Variants in SPON1 observed in about 807,000 individuals in gnomAD.
SPON1 encodes spondin-1.
SPON1 carries 52 observed loss-of-function variants against 111.7 expected under a neutral mutation model. The ratio of observed to expected loss-of-function variants is 0.47; its 90% CI spans 0.37 to 0.59. The LOEUF (loss-of-function observed/expected upper bound fraction) is 0.59, where lower values mean the gene tolerates loss of function less well. SPON1 is among the 20% of genes least tolerant of loss of function. The pLI, the probability that SPON1 is intolerant of heterozygous loss-of-function variation, is 0.00. For missense variants in SPON1, 957 were observed against 1,068.5 expected, an observed-to-expected ratio of 0.90 and a Z score of 1.46; for synonymous variants, 410 against 395.8, an observed-to-expected ratio of 1.04 and a Z score of -0.43.
intron 15 of SPON1, among the ~76,000 whole-genome samples, chr11:14,264,292 C>T (rs1554942213): frequency 6.6e-6 from 1 of 152,116 alleles, no homozygotes; most frequent in African/African-American, 2.4e-5. Flanking sequence ...TGTATCAGAC[C>T]TGTGTTGACT....
At chr11:14,047,389 A>G (rs1406156843) in intron 3 of SPON1, among the ~76,000 whole-genome samples, 6 of 152,174 alleles carry the variant, frequency 3.9e-5, no homozygotes, top group Admixed American at 6.5e-5. Flanking sequence ...AAACCAACCA[A>G]CCAGTATTCC....
At chr11:14,132,831 G>A (rs781892479) in intron 5 of SPON1, among the ~76,000 whole-genome samples, 4 of 152,164 alleles carry the variant, frequency 2.6e-5, no homozygotes, top group Admixed American at 6.5e-5. Context: ...ACCATGAAAG[G>A]AAGAAACTAT....
At chr11:14,207,298 A>G (rs1303619918) in intron 6 of SPON1, among the ~76,000 whole-genome samples, 1 of 152,208 alleles carries the variant, frequency 6.6e-6, no homozygotes, top group Non-Finnish European at 1.5e-5. Context: ...CATTTAGGAC[A>G]TAGGCACAGT....
At chr11:14,089,978 A>G (rs1338813761) in intron 5 of SPON1, among the ~76,000 whole-genome samples, 1 of 152,082 alleles carries the variant, frequency 6.6e-6, no homozygotes, top group Non-Finnish European at 1.5e-5. Context: ...AGCCTCAGAA[A>G]TGGTGGATGC....
At chr11:14,030,328 T>G (rs1186998257) in intron 2 of SPON1, among the ~76,000 whole-genome samples, 1 of 152,234 alleles carries the variant, frequency 6.6e-6, no homozygotes, top group East Asian at 1.9e-4. Context: ...GCTCCTAATA[T>G]GTGAAACAAC....
At chr11:14,221,069 G>A (rs547823918) in intron 6 of SPON1, among the ~76,000 whole-genome samples, 1 of 152,268 alleles carries the variant, frequency 6.6e-6, no homozygotes, top group African/African-American at 2.4e-5. Flanking sequence ...ATGTCGTTCT[G>A]AACATTTCTA....
intron 1 of SPON1, among the ~76,000 whole-genome samples, chr11:13,972,552 T>C (rs1052852367): frequency 6.6e-6 from 1 of 152,326 alleles, no homozygotes; most frequent in Middle Eastern, 3.4e-3. Flanking sequence ...ATAAGAATAT[T>C]GAGCAACTCA....
At chr11:14,067,156 G>A (rs541656226) in intron 3 of SPON1, among the ~76,000 whole-genome samples, 29 of 151,336 alleles carry the variant, frequency 1.9e-4, no homozygotes, top group Admixed American at 4.6e-4. Flanking sequence ...CAGCCTGGGC[G>A]AGACAGTGAG....
intron 6 of SPON1, among the ~76,000 whole-genome samples, chr11:14,204,179 G>C (rs781884529): frequency 6.6e-6 from 1 of 152,176 alleles, no homozygotes; most frequent in East Asian, 1.9e-4. Context: ...CCATGGGCTC[G>C]GGCCAAGGCT....
chr11:14,238,527 C>T (rs1389800864), intron 6 of SPON1, among the ~76,000 whole-genome samples: 1 of 152,170 alleles, frequency 6.6e-6, no homozygotes, highest in Non-Finnish European at 1.5e-5. Context: ...TTGGTTCAGA[C>T]ACCAGCCCCG....
At chr11:14,122,850 G>T (rs995130141) in intron 5 of SPON1, among the ~76,000 whole-genome samples, 14 of 151,682 alleles carry the variant, frequency 9.2e-5, no homozygotes, top group African/African-American at 3.4e-4. Flanking sequence ...CCACATGTCA[G>T]TCATCTCAGG....
chr11:13,988,359 G>C lies in SPON1; in HGVS notation c.345+5406G>C, dbSNP rs571751598. Among the ~76,000 whole-genome samples, 13 of 152,240 alleles carry C rather than the reference G, an allele frequency of 8.5e-5. No homozygotes were observed. The South Asian group carries it at 2.3e-3, about 27-fold the overall frequency. ...TCATGATTTGGCTCTCTGTTTGTCT[G>C]TTATTGGCGTATAGGAATGCTTGTG... On this transcript the variant is annotated intron_variant, in intron 2 of 15. Transcript: ENST00000576479.
At chr11:13,993,559 C>T (rs1039056548) in intron 2 of SPON1, among the ~76,000 whole-genome samples, 2 of 152,308 alleles carry the variant, frequency 1.3e-5, no homozygotes, top group South Asian at 2.1e-4. Context: ...GGAGCCCTGC[C>T]CTGATCGTCT....
chr11:14,080,137 A>C, intron 5 of SPON1, 116 bp downstream of exon 5: 1 of 1,202,104 alleles, frequency 8.3e-7, no homozygotes, highest in Non-Finnish European at 1.2e-6. Flanking sequence ...TGGCTGGTTC[A>C]TGAAATGCAC....
chr11:14,046,167 G>A (rs1848666680), intron 3 of SPON1, among the ~76,000 whole-genome samples: 1 of 152,182 alleles, frequency 6.6e-6, no homozygotes, highest in African/African-American at 2.4e-5. Context: ...AGAAGCAAAA[G>A]GAAAAGGCAG....
At chr11:14,033,372 G>T (rs1488617500) in intron 2 of SPON1, among the ~76,000 whole-genome samples, 1 of 152,186 alleles carries the variant, frequency 6.6e-6, no homozygotes, top group Non-Finnish European at 1.5e-5. Context: ...TAGAACGCTT[G>T]CAACTTCCTC....
chr11:14,180,769 G>A (rs1848229119), intron 6 of SPON1, among the ~76,000 whole-genome samples: 1 of 152,096 alleles, frequency 6.6e-6, no homozygotes. Flanking sequence ...GTATATATTT[G>A]CCTTCTCACC....
chr11:14,055,003 C>T (rs782146614), intron 3 of SPON1, among the ~76,000 whole-genome samples: 1 of 152,158 alleles, frequency 6.6e-6, no homozygotes, highest in Non-Finnish European at 1.5e-5. Flanking sequence ...AATCTTCCTT[C>T]GCACCAGCTG....
chr11:14,238,733 G>C (rs781979830), intron 6 of SPON1, among the ~76,000 whole-genome samples: 29 of 152,200 alleles, frequency 1.9e-4, no homozygotes, highest in Non-Finnish European at 3.8e-4. Context: ...ACCAGTAACT[G>C]TGAGGTACAA....
Sources: gnomAD v4.1 joint callset for allele counts (sites outside exome capture counted in the v4.1 genomes callset) on GRCh38, gnomAD v4.1.1 for gene constraint, MANE v1.5 for transcripts, NCBI Gene and HGNC (gene_info 2026-07-23, HGNC 2026-07-21) for gene names.